Variants in RNF144A observed in about 807,000 individuals in gnomAD.
RNF144A encodes E3 ubiquitin-protein ligase RNF144A.
RNF144A carries 11 observed loss-of-function variants against 38.7 expected under a neutral mutation model. The ratio of observed to expected loss-of-function variants is 0.28; its 90% confidence interval spans 0.18 to 0.47. The LOEUF (loss-of-function observed/expected upper bound fraction) is 0.47, where lower values mean the gene tolerates loss of function less well. Among genes scored for constraint, RNF144A ranks in the 20% least tolerant of loss-of-function variants. The pLI, the probability that RNF144A is intolerant of heterozygous loss-of-function variation, is 0.99. For synonymous variants in RNF144A, 149 were observed against 143.9 expected (o/e 1.04, Z -0.25); for missense variants, 316 against 377.2 (o/e 0.84, Z 1.34).
chr2:6,967,630 G>A (rs1667752556), intron 2 of RNF144A, among the ~76,000 whole-genome samples: 1 of 152,218 alleles, frequency 6.6e-6, no homozygotes, highest in African/African-American at 2.4e-5. Context: ...ATGGGATTAA[G>A]CATCCATTAA....
intron 8 of RNF144A, among the ~76,000 whole-genome samples, chr2:7,034,749 C>T (rs1426303946): frequency 1.3e-5 from 2 of 152,208 alleles, no homozygotes; most frequent in African/African-American, 4.8e-5. Flanking sequence ...GCACCTGAAT[C>T]AGACCATAAA....
At chr2:7,014,052 CTCTAAGGCT>C (rs1670982374) in intron 3 of RNF144A, among the ~76,000 whole-genome samples, 1 of 152,170 alleles carries the variant, frequency 6.6e-6, no homozygotes, top group African/African-American at 2.4e-5. Context: ...TGTAAAAATG[CTCTAAGGCT>C]TCAGTGAAAG....
At chr2:7,066,056 A>C (rs1674199935) in intron 6 of RNF144A, among the ~76,000 whole-genome samples, 1 of 151,946 alleles carries the variant, frequency 6.6e-6, no homozygotes, top group Admixed American at 6.6e-5. Flanking sequence ...TTTGTTTTCC[A>C]AATTTAAGAA....
At chr2:7,017,633 T>C (rs948920934) in intron 5 of RNF144A, among the ~76,000 whole-genome samples, 15 of 152,262 alleles carry the variant, frequency 9.9e-5, no homozygotes, top group Admixed American at 8.5e-4. Flanking sequence ...GCTTCATTAA[T>C]CTGCCATGAA....
At chr2:7,035,918 G>A (rs1483397479) in intron 8 of RNF144A, among the ~76,000 whole-genome samples, 1 of 152,160 alleles carries the variant, frequency 6.6e-6, no homozygotes, top group Non-Finnish European at 1.5e-5. Flanking sequence ...TTGTTTCATC[G>A]CAAGTGATAC....
chr2:7,000,354 T>C (rs1033606150), intron 3 of RNF144A, among the ~76,000 whole-genome samples: 2 of 152,196 alleles, frequency 1.3e-5, no homozygotes, highest in African/African-American at 4.8e-5. Flanking sequence ...AGAGAAAGGA[T>C]TGTGGACACG....
intron 2 of RNF144A, among the ~76,000 whole-genome samples, chr2:6,987,604 A>G (rs1475561486): frequency 6.6e-6 from 1 of 152,216 alleles, no homozygotes; most frequent in Non-Finnish European, 1.5e-5. Flanking sequence ...GGTGCTCCCA[A>G]TGGCTGACCC....
intron 6 of RNF144A, among the ~76,000 whole-genome samples, chr2:7,055,669 C>T (rs963650359): frequency 1.3e-5 from 2 of 152,192 alleles, no homozygotes; most frequent in East Asian, 1.9e-4. Flanking sequence ...CAGCAGGTAC[C>T]ATTTATTAAG....
At chr2:7,073,728 ACTTATTTAATCCTTACAT>A in the RNF144A span, among the ~76,000 whole-genome samples, 2 of 152,208 alleles carry the variant, frequency 1.3e-5, no homozygotes, top group Non-Finnish European at 2.9e-5. Flanking sequence ...CCATGTGTGA[ACTTATTTAATCCTTACAT>A]CTTATTTAAT....
At chr2:6,935,297 T>C (rs911117624) in intron 1 of RNF144A, among the ~76,000 whole-genome samples, 2 of 152,224 alleles carry the variant, frequency 1.3e-5, no homozygotes, top group African/African-American at 4.8e-5. Context: ...GGTCATCCTC[T>C]TTGGTCTTAC....
chr2:7,009,382 C>T (rs1252986107), intron 3 of RNF144A, among the ~76,000 whole-genome samples: 1 of 152,168 alleles, frequency 6.6e-6, no homozygotes, highest in Non-Finnish European at 1.5e-5. Flanking sequence ...CCGATCATGA[C>T]CTGAAGCAGC....
At chr2:7,075,095 G>T in the RNF144A span, among the ~76,000 whole-genome samples, 3 of 152,212 alleles carry the variant, frequency 2.0e-5, no homozygotes, top group Non-Finnish European at 4.4e-5. Context: ...GCAAGGCACA[G>T]TGTGGATGGT....
intron 2 of RNF144A, among the ~76,000 whole-genome samples, chr2:6,978,299 C>T (rs1400230151): frequency 6.6e-6 from 1 of 152,150 alleles, no homozygotes; most frequent in African/African-American, 2.4e-5. Context: ...ATTAATGATG[C>T]TCAAGTGACC....
At chr2:6,963,815 C>T (rs1558388249) in intron 2 of RNF144A, among the ~76,000 whole-genome samples, 3 of 152,100 alleles carry the variant, frequency 2.0e-5, no homozygotes, top group Admixed American at 6.5e-5. Flanking sequence ...TAACGTAGTC[C>T]CTCCTCTCAG....
rs1317638904 is a variant in RNF144A at position 7,043,925 on chromosome 2, ACAAAAT to A, written c.*4171_*4176del. ...TATGTATTTGACAAGTGGTGGTGAA[ACAAAAT>A]CAAAACAGATTTGATTTGTGTTTTT... On this transcript the variant is annotated 3_prime_UTR_variant, in exon 9 of 9. Coordinates refer to ENST00000320892, the MANE Select transcript of RNF144A (RefSeq NM_014746.6). 5 of 985,754 alleles carry A rather than the reference ACAAAAT, an allele frequency of 5.1e-6. No homozygotes were observed. In the African/African-American group the frequency reaches 7.0e-5, roughly 14 times the overall value. The allele number at this position is 985,754 out of a possible 1,614,324, so 61.1% of individuals were successfully genotyped here.
chr2:7,075,403 C>A, the RNF144A span, among the ~76,000 whole-genome samples: 3 of 152,042 alleles, frequency 2.0e-5, no homozygotes, highest in Non-Finnish European at 2.9e-5. Flanking sequence ...ATGGATTGAA[C>A]ATCTCTCCCA....
chr2:6,942,050 A>G (rs964485430), intron 2 of RNF144A, among the ~76,000 whole-genome samples: 2 of 152,398 alleles, frequency 1.3e-5, no homozygotes, highest in South Asian at 2.1e-4. Flanking sequence ...TGGCCTCTAC[A>G]TTGAGAATAA....
At chr2:6,961,885 C>T (rs1667368985) in intron 2 of RNF144A, among the ~76,000 whole-genome samples, 1 of 152,172 alleles carries the variant, frequency 6.6e-6, no homozygotes, top group South Asian at 2.1e-4. Context: ...GTTTGATTGG[C>T]ATTTGAAAAT....
chr2:7,039,149 TAGAG>T lies in RNF144A; in HGVS notation c.748-476_748-473del, dbSNP rs563378863. 4.3e-5 allele frequency among the ~76,000 whole-genome samples: 6 copies of T among 138,568 alleles called. No homozygotes were observed. The South Asian group carries it at 1.4e-3, about 32-fold the overall frequency. The allele number at this position is 138,568 out of a possible 152,430, so 90.9% of individuals were successfully genotyped here. A position where few individuals can be genotyped will look rare whatever the true frequency, so the allele number is the denominator to read the frequency against. ...ATGGATGGGTAGGTGGATGGATGGA[TAGAG>T]AGATGGATGATGGTTAATGGATGAA... is the stretch of plus-strand genomic sequence containing the variant. On this transcript the variant is annotated intron_variant, in intron 8 of 8. Transcript: ENST00000320892.
Sources: allele counts gnomAD v4.1 joint callset (sites outside exome capture counted in the v4.1 genomes callset), GRCh38; gene constraint gnomAD v4.1.1; transcripts MANE v1.5; gene names NCBI Gene and HGNC (gene_info 2026-07-23, HGNC 2026-07-21).